The following CELA3B variants were observed in gnomAD, a reference collection of about 807,000 sequenced individuals.
CELA3B encodes chymotrypsin-like elastase family member 3B.
CELA3B carries 34 observed loss-of-function variants against 37.2 expected under a neutral mutation model. That is an observed-to-expected ratio of 0.91 (90% CI 0.70 to 1.22). CELA3B has a LOEUF of 1.22. CELA3B is among the 50% of genes most tolerant of loss of function. CELA3B has a pLI of 0.00. For synonymous variants in CELA3B, 127 were observed against 143.5 expected, an observed-to-expected ratio of 0.89 and a Z score of 0.82; for missense variants, 340 against 363.1, an observed-to-expected ratio of 0.94 and a Z score of 0.52.
At chr1:21,981,593 T>C (rs1269977992) in intron 4 of CELA3B, among the ~76,000 whole-genome samples, 2 of 152,018 alleles carry the variant, frequency 1.3e-5, no homozygotes, top group African/African-American at 4.8e-5. Context: ...ACTCTGTGTA[T>C]GGCCTGAGCA....
intron 1 of CELA3B, 120 bp downstream of exon 1, chr1:21,977,202 G>A (rs1006370946): frequency 2.6e-5 from 38 of 1,460,932 alleles, no homozygotes; most frequent in Non-Finnish European, 3.4e-5. Context: ...GGGGGTCTCA[G>A]CTTGTACCCG....
chr1:21,983,077 C>T (rs6413869), intron 4 of CELA3B, among the ~76,000 whole-genome samples: 144,068 of 152,288 alleles, frequency 0.95, 68,494 homozygotes, highest in Non-Finnish European at 0.99. Flanking sequence ...TGGCTGGGCG[C>T]GGTGGCTCAT....
chr1:21,981,888 G>A (rs1270211791), intron 4 of CELA3B, among the ~76,000 whole-genome samples: 1 of 152,000 alleles, frequency 6.6e-6, no homozygotes, highest in Admixed American at 6.6e-5. Flanking sequence ...ACCACGCCTG[G>A]CTAATTTTTT....
downstream of CELA3B, among the ~76,000 whole-genome samples, chr1:21,993,517 T>A (rs1446345672): frequency 6.6e-6 from 1 of 151,292 alleles, no homozygotes; most frequent in Admixed American, 6.6e-5. Context: ...TGTTCATTTA[T>A]TTTTCAAAGC....
exon 5 of CELA3B, chr1:21,998,267 CTTTG>C (rs1336737852): frequency 6.5e-6 from 3 of 460,456 alleles, no homozygotes; most frequent in African/African-American, 2.0e-5. Flanking sequence ...ACAATTTGAA[CTTTG>C]TTTGAGCTCA....
At chr1:21,986,383 A>T in intron 6 of CELA3B, 148 bp from the exon 7 acceptor site, 1 of 1,099,720 alleles carries the variant, frequency 9.1e-7, no homozygotes, top group Non-Finnish European at 1.3e-6. Context: ...CTAAAAAAAT[A>T]AAAATAATAA....
At chr1:21,979,120 T>C (rs1168364461) in intron 2 of CELA3B, among the ~76,000 whole-genome samples, 1 of 151,966 alleles carries the variant, frequency 6.6e-6, no homozygotes, top group Non-Finnish European at 1.5e-5. Flanking sequence ...TTGCCCAGGC[T>C]GAAGTGCAAT....
chr1:21,985,845 C>A (rs572057983), intron 6 of CELA3B, among the ~76,000 whole-genome samples: 4 of 151,732 alleles, frequency 2.6e-5, no homozygotes, highest in Non-Finnish European at 5.9e-5. Context: ...GAGCCGAGAT[C>A]GCGCCCCTGC....
Position 21,984,268 on chromosome 1 carries a change from G to A in CELA3B, c.579G>A (p.Trp193Ter), listed in dbSNP as rs1278665548. 6.2e-7 allele frequency: 1 copy of A among 1,614,196 alleles called. No individual in the cohort carries two copies. The highest frequency in any genetic ancestry group is 1.7e-5 in the Admixed American group (1 of 60,010). The change falls in exon 6 of 8, where the codon TGG becomes TGA. Residue 193 changes from tryptophan to a stop codon, truncating the protein, a stop_gained. Transcript: ENST00000337107. LOFTEE classifies it high-confidence loss of function. ...VDYEHCSRWN[W>*]WGSSVKKTMV... ...ATGAACACTGCTCCAGGTGGAACTG[G>A]TGGGGTTCCTCCGTGAAGAAGACCA...
chr1:21,980,985 G>C (rs72662488), intron 3 of CELA3B, 53 bp from the exon 4 acceptor site: 17 of 1,613,982 alleles, frequency 1.1e-5, no homozygotes, highest in Non-Finnish European at 1.4e-5. Flanking sequence ...GTGATGATGG[G>C]GAAGGAGGGA....
At chr1:21,977,179 T>G (rs534457275) in intron 1 of CELA3B, 97 bp downstream of exon 1, 1 of 1,562,156 alleles carries the variant, frequency 6.4e-7, no homozygotes, top group South Asian at 1.1e-5. Flanking sequence ...ACCCTATGCC[T>G]GGTTCCACAG....
At chr1:21,978,339 G>A (rs1490090879) in intron 1 of CELA3B, 30 bp from the exon 2 acceptor site, 18 of 1,613,244 alleles carry the variant, frequency 1.1e-5, no homozygotes, top group Middle Eastern at 1.7e-4. Flanking sequence ...GGACCCTCCC[G>A]CTGATTGACA....
chr1:21,996,391 C>T lies in CELA3B; in HGVS notation c.505-1760C>T, dbSNP rs534227742. Among the ~76,000 whole-genome samples, 23 of 151,172 alleles carry T rather than the reference C, an allele frequency of 1.5e-4. 1 individual carries two copies. The highest frequency in any genetic ancestry group is 2.7e-4 in the Non-Finnish European group (18 of 67,876). On this transcript the variant is annotated intron_variant, in intron 4 of 4. Coordinates refer to the CELA3B transcript ENST00000400277. ...ACAAAGATAGCCATGAGAGTGACCTCGGGTCGTCCTGACTGCTACACTCCC... is the reference window on the plus strand; with the variant it reads ...ACAAAGATAGCCATGAGAGTGACCTTGGGTCGTCCTGACTGCTACACTCCC...
intron 1 of CELA3B, chr1:21,977,786 A>G (rs1311229078): frequency 3.2e-6 from 1 of 311,420 alleles, no homozygotes; most frequent in Admixed American, 4.7e-5. Flanking sequence ...CTGGTCTCAA[A>G]ATCTTGGCCT....
At chr1:21,988,101 A>T (rs1644849942) in intron 7 of CELA3B, among the ~76,000 whole-genome samples, 1 of 151,128 alleles carries the variant, frequency 6.6e-6, no homozygotes, top group Non-Finnish European at 1.5e-5. Flanking sequence ...GGTCCCAGCT[A>T]CTCAGGAGGC....
At chr1:21,993,325 G>T (rs1406574779), downstream of CELA3B, among the ~76,000 whole-genome samples, 1 of 150,650 alleles carries the variant, frequency 6.6e-6, no homozygotes, top group African/African-American at 2.5e-5. Context: ...AGCTGAGCAT[G>T]GTGGCGCGTG....
downstream of CELA3B, among the ~76,000 whole-genome samples, chr1:21,992,876 G>A (rs1035763600): frequency 2.5e-4 from 38 of 149,910 alleles, 1 homozygote; most frequent in Admixed American, 1.3e-4. Flanking sequence ...GAGGTGGGAA[G>A]ATCACTTGAG....
chr1:21,997,411 G>T (rs1185375607), intron 4 of CELA3B, among the ~76,000 whole-genome samples: 2 of 144,328 alleles, frequency 1.4e-5, no homozygotes, highest in Non-Finnish European at 3.0e-5. Context: ...AAAAAATGCT[G>T]GGCGTGGTGG....
intron 1 of CELA3B, 105 bp downstream of exon 1, chr1:21,977,187 C>T: frequency 6.5e-7 from 1 of 1,532,854 alleles, no homozygotes; most frequent in Non-Finnish European, 9.0e-7. Context: ...CCTGGTTCCA[C>T]AGGAGGGGGT....
Sources: gnomAD v4.1 joint callset for allele counts (sites outside exome capture counted in the v4.1 genomes callset) on GRCh38, gnomAD v4.1.1 for gene constraint, MANE v1.5 for transcripts, NCBI Gene and HGNC (gene_info 2026-07-23, HGNC 2026-07-21) for gene names.